NMNAT3: variants seen among roughly 807,000 people sequenced by gnomAD.
NMNAT3 encodes the protein nicotinamide/nicotinic acid mononucleotide adenylyltransferase 3.
Under a neutral mutation model 24.8 loss-of-function variants are expected in NMNAT3, and 21 were observed. The ratio of observed to expected loss-of-function variants is 0.85; its 90% CI spans 0.60 to 1.22. The LOEUF is 1.22. Ranked by LOEUF, NMNAT3 falls within the 50% of genes most tolerant of loss-of-function variation. The probability of loss-of-function intolerance (pLI) is 0.00; values close to 1 mark genes in which losing one functional copy is unlikely to be tolerated. For missense variants in NMNAT3, 387 were observed against 436.6 expected, an observed-to-expected ratio of 0.89 and a Z score of 1.01; for synonymous variants, 136 against 155.2, an observed-to-expected ratio of 0.88 and a Z score of 0.92.
chr3:139,613,483 C>A (rs2055329072), intron 3 of NMNAT3, among the ~76,000 whole-genome samples: 3 of 152,310 alleles, frequency 2.0e-5, no homozygotes, highest in Admixed American at 2.0e-4. Flanking sequence ...AGTCAGGGAA[C>A]AACAGGTGCT....
chr3:139,656,614 C>T (rs2057252307), intron 1 of NMNAT3, among the ~76,000 whole-genome samples: 1 of 152,074 alleles, frequency 6.6e-6, no homozygotes, highest in South Asian at 2.1e-4. Flanking sequence ...ACAGTAAGAC[C>T]CCCATATCTA....
At chr3:139,573,541 G>A in intron 6 of NMNAT3, 57 bp downstream of exon 6, 1 of 1,093,538 alleles carries the variant, frequency 9.1e-7, no homozygotes, top group Non-Finnish European at 1.3e-6. Flanking sequence ...ACCCCCTTCA[G>A]TTCTCACAGA....
At chr3:139,587,065 G>T (rs1277541945) in intron 3 of NMNAT3, among the ~76,000 whole-genome samples, 2 of 152,176 alleles carry the variant, frequency 1.3e-5, no homozygotes, top group African/African-American at 4.8e-5. Flanking sequence ...CTTCCCATCT[G>T]GAATTCTGGA....
chr3:139,567,863 G>A (rs1937500490), intron 6 of NMNAT3: 1 of 152,212 alleles, frequency 6.6e-6, no homozygotes, highest in Non-Finnish European at 1.5e-5. Flanking sequence ...CATAAAATGA[G>A]TTAGGGAGGA....
rs543201978 is a variant in NMNAT3 at position 139,594,716 on chromosome 3, T to C, written c.110-11508A>G. Among the ~76,000 whole-genome samples the C allele has an allele frequency of 3.9e-5, 6 of 152,252 alleles. No homozygotes were observed. In the South Asian group the frequency reaches 1.0e-3, roughly 26 times the overall value. On this transcript the variant is annotated intron_variant, in intron 3 of 6. Coordinates refer to ENST00000643695, the MANE Select transcript of NMNAT3 (RefSeq NM_001320510.2). ...AACAGAACCAAAGACAAAAACCACA[T>C]GATTATCTCAATAGATGCAGAAAAG...
At chr3:139,616,273 C>G (rs2055497893) in intron 3 of NMNAT3, among the ~76,000 whole-genome samples, 1 of 152,202 alleles carries the variant, frequency 6.6e-6, no homozygotes, top group South Asian at 2.1e-4. Context: ...ACACTTAATG[C>G]TGGGGATCCT....
chr3:139,576,064 C>A, intron 5 of NMNAT3: 1 of 1,286,856 alleles, frequency 7.8e-7, no homozygotes, highest in Non-Finnish European at 1.0e-6. Context: ...AGAAGGAATC[C>A]TCAGTAAGCT....
chr3:139,576,757 T>TA (rs1559865772), intron 5 of NMNAT3, among the ~76,000 whole-genome samples: 2 of 151,812 alleles, frequency 1.3e-5, no homozygotes, highest in Non-Finnish European at 2.9e-5. Flanking sequence ...AGGAGTTATT[T>TA]AAAAAAAATT....
chr3:139,601,387 C>T (rs765512125), intron 3 of NMNAT3, among the ~76,000 whole-genome samples: 2 of 152,178 alleles, frequency 1.3e-5, no homozygotes, highest in Non-Finnish European at 2.9e-5. Flanking sequence ...ATTCCCTTCA[C>T]TTGTGCAATA....
chr3:139,676,682 C>T (rs2057939680), intron 1 of NMNAT3, among the ~76,000 whole-genome samples: 1 of 152,184 alleles, frequency 6.6e-6, no homozygotes, highest in Admixed American at 6.5e-5. Context: ...TCTCTGAATC[C>T]TCAGAGCCAG....
chr3:139,636,191 A>G (rs2056493986), intron 2 of NMNAT3: 1 of 152,236 alleles, frequency 6.6e-6, no homozygotes, highest in Admixed American at 6.5e-5. Context: ...TGCTATGCCA[A>G]TATTTAATGA....
chr3:139,582,867 G>T (rs1413908330), intron 4 of NMNAT3: 2 of 1,138,208 alleles, frequency 1.8e-6, no homozygotes, highest in Non-Finnish European at 2.4e-6. Flanking sequence ...TAAGTTTGAA[G>T]TTTTTTCAAA....
chr3:139,589,791 C>T (rs940466864), intron 3 of NMNAT3, among the ~76,000 whole-genome samples: 2 of 152,196 alleles, frequency 1.3e-5, no homozygotes, highest in Non-Finnish European at 2.9e-5. Context: ...AGATTTGGCC[C>T]ATGGGCTGTA....
chr3:139,569,891 C>T (rs1227141086), intron 6 of NMNAT3: 1 of 152,098 alleles, frequency 6.6e-6, no homozygotes, highest in Admixed American at 6.5e-5. Context: ...TGTTGGCCTG[C>T]CTTGCTAGAC....
chr3:139,654,033 A>C (rs1439836533), intron 1 of NMNAT3, among the ~76,000 whole-genome samples: 2 of 152,176 alleles, frequency 1.3e-5, no homozygotes, highest in Non-Finnish European at 2.9e-5. Context: ...TACAGAGCAC[A>C]CACAGTCTTA....
chr3:139,572,220 C>T, intron 6 of NMNAT3: 1 of 398,556 alleles, frequency 2.5e-6, no homozygotes, highest in Non-Finnish European at 4.4e-6. Context: ...TCTGTAGAAT[C>T]CTTTTAAGAA....
At chr3:139,620,334 A>C (rs2055708684) in intron 3 of NMNAT3, among the ~76,000 whole-genome samples, 1 of 152,126 alleles carries the variant, frequency 6.6e-6, no homozygotes, top group Admixed American at 6.6e-5. Flanking sequence ...ACCACAAGTA[A>C]GATAATGAAC....
intron 5 of NMNAT3, chr3:139,575,991 T>C (rs1939246878): frequency 7.8e-7 from 1 of 1,288,004 alleles, no homozygotes; most frequent in African/African-American, 1.5e-5. Context: ...CTCAGTTTCT[T>C]TATCTGTAAA....
chr3:139,583,467 A>G (rs2053763523), intron 3 of NMNAT3: 13 of 1,602,106 alleles, frequency 8.1e-6, no homozygotes, highest in Non-Finnish European at 1.1e-5. Context: ...ACTTCTTGAG[A>G]TGCTAAACAT....
Sources: gnomAD v4.1 joint callset for allele counts (sites outside exome capture counted in the v4.1 genomes callset) on GRCh38, gnomAD v4.1.1 for gene constraint, MANE v1.5 for transcripts, NCBI Gene and HGNC (gene_info 2026-07-23, HGNC 2026-07-21) for gene names.